ZNF292: variants seen among roughly 807,000 people sequenced by gnomAD.
ZNF292 encodes 16 zinc-finger domain protein.
Under a neutral mutation model 217.9 loss-of-function variants are expected in ZNF292, and 26 were observed. The observed-to-expected ratio is 0.12, with a 90% CI of 0.09 to 0.17. The LOEUF (loss-of-function observed/expected upper bound fraction) is 0.17, where lower values mean the gene tolerates loss of function less well. ZNF292 is among the 10% of genes least tolerant of loss of function. The pLI is 1.00. For synonymous variants in ZNF292, 1,257 were observed against 1,124.1 expected (o/e 1.12, Z -2.37); for missense variants, 2,904 against 3,175.2 (o/e 0.91, Z 2.05).
intron 4 of ZNF292, among the ~76,000 whole-genome samples, chr6:87,229,869 A>G (rs1773558167): frequency 6.6e-6 from 1 of 152,122 alleles, no homozygotes; most frequent in South Asian, 2.1e-4. Flanking sequence ...TAATACCAGA[A>G]GCACCCTGGA....
intron 1 of ZNF292, among the ~76,000 whole-genome samples, chr6:87,211,284 A>G (rs1772472390): frequency 6.6e-6 from 1 of 152,164 alleles, no homozygotes; most frequent in African/African-American, 2.4e-5. Flanking sequence ...TTAAACTTCA[A>G]CCTAGTGGTC....
chr6:87,177,876 A>C (rs1414497107), intron 1 of ZNF292, among the ~76,000 whole-genome samples: 1 of 152,198 alleles, frequency 6.6e-6, no homozygotes, highest in Non-Finnish European at 1.5e-5. Context: ...CTAGCTCATA[A>C]ACCTTACATT....
intron 5 of ZNF292, among the ~76,000 whole-genome samples, chr6:87,242,530 AAG>A (rs1774344566): frequency 6.6e-6 from 1 of 152,162 alleles, no homozygotes; most frequent in Admixed American, 6.5e-5. Flanking sequence ...TATTTTATGA[AAG>A]AGAGAAAATC....
chr6:87,203,353 T>G (rs1451543568), intron 1 of ZNF292, among the ~76,000 whole-genome samples: 1 of 151,682 alleles, frequency 6.6e-6, no homozygotes, highest in Admixed American at 6.6e-5. Flanking sequence ...GTGTTGCCCA[T>G]GCTGATCTTG....
intron 1 of ZNF292, among the ~76,000 whole-genome samples, chr6:87,192,600 C>G (rs1372432190): frequency 6.6e-6 from 1 of 152,106 alleles, no homozygotes; most frequent in African/African-American, 2.4e-5. Context: ...TTTTAAAGAT[C>G]CTGTAATTCT....
At position 87,264,638 on chromosome 6, in the gene ZNF292, G is replaced by C. The variant is rs927809271; in HGVS notation, c.*2837G>C. On this transcript the variant is annotated 3_prime_UTR_variant, in exon 8 of 8. Coordinates refer to ENST00000369577, the MANE Select transcript of ZNF292 (RefSeq NM_015021.3). ...AGGGGGACAAGGGAATTCCAGACTT[G>C]GGGGTAGAGCGTAATTGCGGTATTG... Among the ~76,000 whole-genome samples, 3 of 152,152 alleles carry C rather than the reference G, an allele frequency of 2.0e-5. No individual in the cohort carries two copies. The highest frequency in any genetic ancestry group is 2.0e-4 in the Admixed American group (3 of 15,270).
rs917572154 is a variant in ZNF292 at position 87,265,930 on chromosome 6, C to T, written c.*4129C>T. On this transcript the variant is annotated 3_prime_UTR_variant, in exon 8 of 8. Coordinates refer to ENST00000369577, the MANE Select transcript of ZNF292 (RefSeq NM_015021.3). ...GATTAAACGTTGATTAAAATCCAGT[C>T]ATACTTGCCAGAAGCCCCTGCCTTT... Among the ~76,000 whole-genome samples the T allele has an allele frequency of 6.6e-6, 1 of 152,182 alleles. No homozygotes were observed. Among genetic ancestry groups the T allele is most frequent in the Non-Finnish European group, 1.5e-5 (1 of 68,040 alleles).
At chr6:87,232,885 A>C (rs1182480714) in intron 4 of ZNF292, among the ~76,000 whole-genome samples, 1 of 152,074 alleles carries the variant, frequency 6.6e-6, no homozygotes, top group Non-Finnish European at 1.5e-5. Context: ...ATATTAGTTG[A>C]ATCTCTTCTT....
intron 1 of ZNF292, among the ~76,000 whole-genome samples, chr6:87,187,418 G>A (rs1380566534): frequency 1.4e-5 from 2 of 146,616 alleles, no homozygotes; most frequent in African/African-American, 5.0e-5. Flanking sequence ...CCCACTCTGT[G>A]GTCAAATGTT....
chr6:87,184,796 G>A (rs1202717543), intron 1 of ZNF292, among the ~76,000 whole-genome samples: 1 of 152,170 alleles, frequency 6.6e-6, no homozygotes, highest in Non-Finnish European at 1.5e-5. Flanking sequence ...GAGATTGAAA[G>A]CTTCGAGGAC....
At chr6:87,234,905 A>G (rs1773827579) in intron 5 of ZNF292, among the ~76,000 whole-genome samples, 1 of 152,074 alleles carries the variant, frequency 6.6e-6, no homozygotes, top group South Asian at 2.1e-4. Flanking sequence ...TAGGAAGGCA[A>G]GTGGTAGGCT....
chr6:87,158,738 G>A (rs553190722), intron 1 of ZNF292, among the ~76,000 whole-genome samples: 2 of 152,256 alleles, frequency 1.3e-5, no homozygotes, highest in African/African-American at 4.8e-5. Flanking sequence ...ATTTTGATAC[G>A]AAGTTGAGTG....
chr6:87,257,296 C>A lies in ZNF292; in HGVS notation c.3667C>A (p.Gln1223Lys). ...PNITSQDKNEQGGMLCSQMEN... is the reference protein window; with the variant it reads ...PNITSQDKNEKGGMLCSQMEN... ...TATAACTTCTCAGGATAAAAATGAACAAGGTGGTATGTTATGTTCCCAAAT... is the reference window on the plus strand; with the variant it reads ...TATAACTTCTCAGGATAAAAATGAAAAAGGTGGTATGTTATGTTCCCAAAT... Residue 1223 changes from glutamine to lysine, a missense_variant, in exon 8 of 8, where the codon CAA becomes AAA. Around this residue, in one of 15 missense-constraint regions of ZNF292, gnomAD observed 687 missense variants for 623.0 expected, o/e 1.10. Transcript: ENST00000369577. The A allele has an allele frequency of 6.2e-7, 1 of 1,613,600 alleles. No homozygotes were observed. Among genetic ancestry groups the A allele is most frequent in the Non-Finnish European group, 8.5e-7 (1 of 1,179,734 alleles).
chr6:87,257,123 A>G lies in ZNF292; in HGVS notation c.3494A>G (p.Asn1165Ser). ...TTGCCATCACCGGTGAACAGCTCAA[A>G]TCCATTTTTTACATCACAGACCAAA... ...YFLPSPVNSS[N>S]PFFTSQTKAN... The change falls in exon 8 of 8, where the codon AAT (asparagine) becomes AGT (serine). Residue 1165 changes from asparagine to serine, a missense_variant. Physicochemically the swap from Asn to Ser is conservative, Grantham distance 46 (BLOSUM62 1). Transcript: ENST00000369577. 6.2e-7 allele frequency: 1 copy of G among 1,613,840 alleles called. No individual in the cohort carries two copies. Among genetic ancestry groups the G allele is most frequent in the South Asian group, 1.1e-5 (1 of 91,078 alleles).
At position 87,218,653 on chromosome 6, in the gene ZNF292, C is replaced by G; in HGVS notation, c.460C>G (p.Leu154Val). ...GSCELHFLAT[L>V]AQETGVWKNP... ...CTGTGAATTGCATTTTTTAGCTACT[C>G]TAGCTCAAGAGACTGGGGTGTGGAA... Residue 154 changes from leucine (L) to valine (V), a missense_variant, in exon 4 of 8, where the codon CTA becomes GTA. By Grantham distance (32) the Leu-to-Val change is conservative. Around this residue, in one of 15 missense-constraint regions of ZNF292, gnomAD observed 313 missense variants for 451.0 expected, o/e 0.69. Coordinates refer to ENST00000369577, the MANE Select transcript of ZNF292 (RefSeq NM_015021.3). The G allele has an allele frequency of 1.3e-6, 2 of 1,585,884 alleles. No individual in the cohort carries two copies. Among genetic ancestry groups the G allele is most frequent in the South Asian group, 1.2e-5 (1 of 86,168 alleles).
At chr6:87,224,441 C>A (rs995848883) in intron 4 of ZNF292, among the ~76,000 whole-genome samples, 4 of 148,678 alleles carry the variant, frequency 2.7e-5, no homozygotes, top group African/African-American at 1.0e-4. Flanking sequence ...ATAGTAGTTT[C>A]ACTCCCTAAA....
At chr6:87,192,353 G>A (rs1193643409) in intron 1 of ZNF292, among the ~76,000 whole-genome samples, 1 of 151,424 alleles carries the variant, frequency 6.6e-6, no homozygotes, top group African/African-American at 2.4e-5. Flanking sequence ...GCACTTTTTA[G>A]GGTGAGGGTG....
chr6:87,159,038 T>G (rs1770634613), intron 1 of ZNF292, among the ~76,000 whole-genome samples: 1 of 152,224 alleles, frequency 6.6e-6, no homozygotes, highest in Non-Finnish European at 1.5e-5. Context: ...TTAGTTTACA[T>G]TCTATGTAAT....
At position 87,265,641 on chromosome 6, in the gene ZNF292, A is replaced by G. The variant is rs896410757; in HGVS notation, c.*3840A>G. Among the ~76,000 whole-genome samples, 6 of 152,210 alleles carry G rather than the reference A, an allele frequency of 3.9e-5. No individual in the cohort carries two copies. Among genetic ancestry groups the G allele is most frequent in the Admixed American group, 3.3e-4 (5 of 15,286 alleles). On this transcript the variant is annotated 3_prime_UTR_variant, in exon 8 of 8. Coordinates refer to ENST00000369577, the MANE Select transcript of ZNF292 (RefSeq NM_015021.3). The stretch of plus-strand genomic sequence containing the variant: ...CCCTGAGAACATTTTTCTTCTTTTA[A>G]TGTTAATACTTAGTTATATCCCACT...
Sources: gnomAD v4.1 joint callset for allele counts (sites outside exome capture counted in the v4.1 genomes callset) on GRCh38, gnomAD v4.1.1 for gene constraint, gnomAD v4.1.1 regional missense constraint, MANE v1.5 for transcripts, NCBI Gene and HGNC (gene_info 2026-07-23, HGNC 2026-07-21) for gene names.